Variants in SETX observed in about 807,000 individuals in gnomAD.
The protein encoded by SETX is helicase senataxin.
SETX carries 90 observed loss-of-function variants against 227.2 expected under a neutral mutation model. The ratio of observed to expected loss-of-function variants is 0.40; its 90% confidence interval spans 0.33 to 0.47. The LOEUF (loss-of-function observed/expected upper bound fraction) is 0.47. SETX is among the 20% of genes least tolerant of loss of function. The pLI, the probability that SETX is intolerant of heterozygous loss-of-function variation, is 0.91. For synonymous variants in SETX, 1,210 were observed against 1,113.2 expected, an observed-to-expected ratio of 1.09 and a Z score of -1.73; for missense variants, 3,052 against 3,181.5, an observed-to-expected ratio of 0.96 and a Z score of 0.98.
At chr9:132,348,300 T>G (rs895431690) in intron 3 of SETX, among the ~76,000 whole-genome samples, 1 of 146,036 alleles carries the variant, frequency 6.8e-6, no homozygotes, top group African/African-American at 2.5e-5. Context: ...GAGGCAGAGG[T>G]TGAAGTGAGC....
chr9:132,332,048 C>G (rs2063285211), intron 7 of SETX, among the ~76,000 whole-genome samples: 2 of 152,164 alleles, frequency 1.3e-5, no homozygotes, highest in South Asian at 4.1e-4. Flanking sequence ...TTGCTGTTCT[C>G]TACTTTTCAT....
intron 23 of SETX, among the ~76,000 whole-genome samples, chr9:132,273,015 G>A (rs533759872): frequency 6.6e-6 from 1 of 152,282 alleles, no homozygotes; most frequent in East Asian, 1.9e-4. Flanking sequence ...GGAAGACTGT[G>A]TGAACTCAGG....
In SETX at chr9:132,271,821, G is replaced by C. The variant is rs1449509325; in HGVS notation, c.7101-13C>G. Reference sequence around the variant, plus strand: ...TACTTCTGCTGGTCTATTTACAAAAGAGAAACATATTTACTGGAAAAAGGA... The same window carrying C: ...TACTTCTGCTGGTCTATTTACAAAACAGAAACATATTTACTGGAAAAAGGA... On this transcript the variant is annotated splice_polypyrimidine_tract_variant and intron_variant, in intron 23 of 25. Transcript: ENST00000224140. 6.3e-7 allele frequency: 1 copy of C among 1,598,482 alleles called. No homozygotes were observed. Among genetic ancestry groups the C allele is most frequent in the East Asian group, 2.2e-5 (1 of 44,802 alleles).
chr9:132,323,008 T>A (rs1031231619), intron 10 of SETX, among the ~76,000 whole-genome samples: 7 of 151,544 alleles, frequency 4.6e-5, no homozygotes, highest in Non-Finnish European at 7.4e-5. Flanking sequence ...GAAAATGAGA[T>A]GAAAGATAGA....
intron 10 of SETX, among the ~76,000 whole-genome samples, chr9:132,315,219 A>C (rs1328729240): frequency 6.6e-6 from 1 of 152,126 alleles, no homozygotes; most frequent in African/African-American, 2.4e-5. Context: ...GCCTGGCCAA[A>C]ATATTACATT....
At position 132,263,403 on chromosome 9, in the gene SETX, C is replaced by G. The variant is rs955712258; in HGVS notation, c.*836G>C. On this transcript the variant is annotated 3_prime_UTR_variant, in exon 26 of 26. Coordinates refer to ENST00000224140, the MANE Select transcript of SETX (RefSeq NM_015046.7). ...AGCATTTGGCAACCAAATGTCTGTA[C>G]CTCACCAGTCACACAAGGCTCACAA... 2 of 152,218 alleles carry G rather than the reference C, an allele frequency of 1.3e-5. No individual in the cohort carries two copies. Among genetic ancestry groups the G allele is most frequent in the Non-Finnish European group, 2.9e-5 (2 of 68,046 alleles). 9.4% of individuals were successfully genotyped at this position (152,218 alleles called of 1,614,324 possible). A position where few individuals can be genotyped will look rare whatever the true frequency, so the allele number is the denominator to read the frequency against.
At position 132,322,564 on chromosome 9, in the gene SETX, G is replaced by A. The variant is rs115631576; in HGVS notation, c.5274+3760C>T. Among the ~76,000 whole-genome samples the A allele has an allele frequency of 2.8e-3, 425 of 152,166 alleles. 4 individuals carry two copies. Among genetic ancestry groups the A allele is most frequent in the African/African-American group, 9.9e-3 (411 of 41,500 alleles). ...AACACAGATCTTCACTTCTTTTTAT[G>A]GCTGAATAATATTCCATTCATTGTA... On this transcript the variant is annotated intron_variant, in intron 10 of 25. Transcript: ENST00000224140.
chr9:132,277,867 A>G (rs1341904024), intron 21 of SETX, among the ~76,000 whole-genome samples: 1 of 151,390 alleles, frequency 6.6e-6, no homozygotes, highest in African/African-American at 2.4e-5. Flanking sequence ...TCTGGGTAGT[A>G]TAAATATAGG....
chr9:132,285,241 G>A lies in SETX; in HGVS notation c.6396+1182C>T, dbSNP rs1284949905. On this transcript the variant is annotated intron_variant, in intron 18 of 25. Coordinates refer to ENST00000224140, the MANE Select transcript of SETX (RefSeq NM_015046.7). ...CATAATTGTTTTTTGCAGTTTATGG[G>A]AAGCAGAAATAGAGCACCTTATAAG... 2.0e-5 allele frequency among the ~76,000 whole-genome samples: 3 copies of A among 152,088 alleles called. No individual in the cohort carries two copies. In the East Asian group the frequency reaches 5.8e-4, roughly 29 times the overall value.
chr9:132,353,842 C>T (rs1458011862), intron 1 of SETX, 87 bp from the exon 2 acceptor site: 1 of 152,220 alleles, frequency 6.6e-6, no homozygotes, highest in East Asian at 1.9e-4. Flanking sequence ...CTATTACAGA[C>T]AGATACTGCT....
chr9:132,323,500 A>T (rs368091468), intron 10 of SETX, among the ~76,000 whole-genome samples: 19 of 152,126 alleles, frequency 1.2e-4, no homozygotes, highest in African/African-American at 3.9e-4. Context: ...GAACAGGAAG[A>T]GTGTGTGCAA....
At chr9:132,273,158 TAG>T (rs1159009449) in intron 23 of SETX, among the ~76,000 whole-genome samples, 2 of 148,392 alleles carry the variant, frequency 1.3e-5, no homozygotes, top group Admixed American at 6.7e-5. Context: ...CACATTTATT[TAG>T]GTGGTTTTTT....
chr9:132,333,407 AAAT>A (rs1215090071), intron 7 of SETX, among the ~76,000 whole-genome samples: 1 of 73,556 alleles, frequency 1.4e-5, no homozygotes, highest in African/African-American at 7.2e-5. Flanking sequence ...AGAAAAAAAA[AAAT>A]ATATATACAC....
chr9:132,314,840 T>G (rs1055588452), intron 10 of SETX, among the ~76,000 whole-genome samples: 9 of 151,244 alleles, frequency 6.0e-5, no homozygotes, highest in Non-Finnish European at 7.4e-5. Context: ...GGTTTCTTTT[T>G]TGTGTGTGTG....
Position 132,261,654 on chromosome 9 carries a change from TCAGTA to T in SETX, c.*2580_*2584del, listed in dbSNP as rs1298253872. On this transcript the variant is annotated 3_prime_UTR_variant, in exon 26 of 26. Coordinates refer to ENST00000224140, the MANE Select transcript of SETX (RefSeq NM_015046.7). ...AATCTGCACAACTTTAAAAAATAGT[TCAGTA>T]CATTTTTGTTATAAAATTCATTTAC... The T allele has an allele frequency of 1.3e-5, 2 of 152,892 alleles. No individual in the cohort carries two copies. The highest frequency in any genetic ancestry group is 4.8e-5 in the African/African-American group (2 of 41,460). 9.5% of individuals were successfully genotyped at this position (152,892 alleles called of 1,614,324 possible).
In SETX at chr9:132,264,784, T is replaced by C. The variant is rs750005188; in HGVS notation, c.7489A>G (p.Ser2497Gly). ...GCAACAGATGTCTTGGCAAATCCACTGTCTAGCTTGCTGCTGGGCAAACCA... is the reference window on the plus strand; with the variant it reads ...GCAACAGATGTCTTGGCAAATCCACCGTCTAGCTTGCTGCTGGGCAAACCA... Reference protein sequence around the residue: ...QGGLPSSKLDSGFAKTSVAAS... With the variant: ...QGGLPSSKLDGGFAKTSVAAS... Residue 2497 changes from serine to glycine, a missense_variant, in exon 26 of 26, where the codon AGT becomes GGT. This residue lies in a region of SETX where 294 missense variants were observed against 278.8 expected (regional missense o/e 1.05). Transcript: ENST00000224140. 2 of 1,614,192 alleles carry C rather than the reference T, an allele frequency of 1.2e-6. No individual in the cohort carries two copies. Among genetic ancestry groups the C allele is most frequent in the Non-Finnish European group, 1.7e-6 (2 of 1,180,026 alleles).
rs140676924 is a variant in SETX at position 132,288,636 on chromosome 9, A to G, written c.6122T>C (p.Ile2041Thr). Residue 2041 changes from isoleucine to threonine, a missense_variant, in exon 16 of 26, where the codon ATA becomes ACA. Physicochemically the swap from Ile to Thr is moderately conservative, Grantham distance 89. Around this residue, in one of 10 missense-constraint regions of SETX, gnomAD observed 412 missense variants for 589.0 expected, o/e 0.70. Transcript: ENST00000224140. ...KKNPLGNCGD[I>T]NLVRLGPEKS... ...TTCTGGACCCAGTCGTACTAAATTT[A>G]TATCTCCACAGTTTCCTGTTGATAA... 5.4e-5 allele frequency: 87 copies of G among 1,612,226 alleles called. No homozygotes were observed. Among genetic ancestry groups the G allele is most frequent in the Admixed American group, 1.3e-4 (8 of 60,006 alleles).
chr9:132,340,523 GAT>G (rs1491384877), intron 5 of SETX, among the ~76,000 whole-genome samples: 2 of 147,108 alleles, frequency 1.4e-5, no homozygotes, highest in Non-Finnish European at 3.0e-5. Context: ...CTGAGTGATG[GAT>G]AAAATCCAAG....
chr9:132,270,829 T>C (rs1000867820), intron 24 of SETX, among the ~76,000 whole-genome samples: 9 of 152,276 alleles, frequency 5.9e-5, no homozygotes, highest in South Asian at 2.1e-4. Flanking sequence ...AGAAATAGAA[T>C]TGATGTATGA....
Sources: gnomAD v4.1 joint callset for allele counts (sites outside exome capture counted in the v4.1 genomes callset) on GRCh38, gnomAD v4.1.1 for gene constraint, gnomAD v4.1.1 regional missense constraint, MANE v1.5 for transcripts, NCBI Gene and HGNC (gene_info 2026-07-23, HGNC 2026-07-21) for gene names.